TBC1D9: variants seen among roughly 807,000 people sequenced by gnomAD.
TBC1D9 encodes TBC1 domain family member 9, also known as TBC1 domain family member 9A.
A neutral mutation model predicts 132.0 loss-of-function variants in TBC1D9; 63 were observed. That is an observed-to-expected ratio of 0.48 (90% CI 0.39 to 0.59). TBC1D9 has a LOEUF of 0.59. TBC1D9 is among the 20% of genes least tolerant of loss of function. The probability of loss-of-function intolerance (pLI) is 0.00; values close to 1 mark genes in which losing one functional copy is unlikely to be tolerated. For synonymous variants in TBC1D9, 610 were observed against 609.9 expected, an observed-to-expected ratio of 1.00 and a Z score of 0.00; for missense variants, 1,261 against 1,592.7, an observed-to-expected ratio of 0.79 and a Z score of 3.54.
Position 140,755,995 on chromosome 4 carries a change from G to A in TBC1D9, c.51C>T (p.Thr17=), listed in dbSNP as rs1451944085. 6.2e-7 allele frequency: 1 copy of A among 1,609,512 alleles called. No individual in the cohort carries two copies. The highest frequency in any genetic ancestry group is 8.5e-7 in the Non-Finnish European group (1 of 1,177,782). ...GGATGAAGTATGGGTTGGCCCTCTC[G>A]GTGATCCACAGCGCGTTGGCCAGCA... is the stretch of plus-strand genomic sequence containing the variant. The part of the protein sequence containing the change: ...EVLLANALWI[T]ERANPYFILQ... The change falls in exon 1 of 21, where the codon ACC becomes ACT. Residue 17 remains threonine (T), a synonymous_variant. Transcript: ENST00000442267.
intron 1 of TBC1D9, among the ~76,000 whole-genome samples, chr4:140,737,684 G>A (rs1283415286): frequency 1.3e-5 from 2 of 152,182 alleles, no homozygotes; most frequent in Non-Finnish European, 2.9e-5. Context: ...CTGGTTGAAA[G>A]GCTAAGAGAA....
chr4:140,752,221 T>C (rs572288312), intron 1 of TBC1D9, among the ~76,000 whole-genome samples: 69 of 152,150 alleles, frequency 4.5e-4, no homozygotes, highest in Non-Finnish European at 8.1e-4. Flanking sequence ...TATACTCATA[T>C]CATAGTTTTC....
chr4:140,732,898 T>C (rs1738616740), intron 1 of TBC1D9, among the ~76,000 whole-genome samples: 1 of 152,164 alleles, frequency 6.6e-6, no homozygotes, highest in African/African-American at 2.4e-5. Flanking sequence ...ACAATATACA[T>C]CATGGTGACA....
Position 140,706,147 on chromosome 4 carries a change from G to A in TBC1D9, c.131-4533C>T, listed in dbSNP as rs1168033345. Among the ~76,000 whole-genome samples the A allele has an allele frequency of 2.0e-5, 3 of 152,226 alleles. No individual in the cohort carries two copies. The highest frequency in any genetic ancestry group is 4.4e-5 in the Non-Finnish European group (3 of 68,040). On this transcript the variant is annotated intron_variant, in intron 1 of 20. Transcript: ENST00000442267. The surrounding 1 kb of genome is among the most constrained non-coding windows in gnomAD (Gnocchi z 4.0). ...GTCAGCCCTCTGCAGGCCGGGCTAT[G>A]TCAGGAGTGTGCTGCCATGCAGAAA...
chr4:140,643,402 C>CCAGAGTGTT (rs58999614), intron 13 of TBC1D9: 8 of 1,090,038 alleles, frequency 7.3e-6, no homozygotes, highest in Non-Finnish European at 1.1e-5. Context: ...ATGGCCACCT[C>CCAGAGTGTT]CATGCCAGCC....
rs571953379 is a variant in TBC1D9, at chr4:140,680,322, C to A, written c.361-479G>T. ...CAGGGCCATGAATAACACTGGGGAG[C>A]CTACAGGGAAAAACGAGTAATCATC... On this transcript the variant is annotated intron_variant, in intron 3 of 20. Coordinates refer to ENST00000442267, the MANE Select transcript of TBC1D9 (RefSeq NM_015130.3). Among the ~76,000 whole-genome samples the A allele has an allele frequency of 5.9e-5, 9 of 152,116 alleles. No individual in the cohort carries two copies. The East Asian group carries it at 1.7e-3, about 29-fold the overall frequency.
chr4:140,652,760 G>A (rs1737206849), intron 13 of TBC1D9, among the ~76,000 whole-genome samples: 2 of 152,232 alleles, frequency 1.3e-5, no homozygotes, highest in South Asian at 2.1e-4. Context: ...CTCTCGATGA[G>A]TAATAGCTAT....
chr4:140,643,327 G>A, intron 13 of TBC1D9: 1 of 1,340,548 alleles, frequency 7.5e-7, no homozygotes, highest in East Asian at 2.5e-5. Flanking sequence ...GCAGCTTCCT[G>A]CTTCTCCAAG....
At position 140,701,470 on chromosome 4, in the gene TBC1D9, T is replaced by A. The variant is rs760942993; in HGVS notation, c.241+34A>T. 2.6e-6 allele frequency: 4 copies of A among 1,558,994 alleles called. No individual in the cohort carries two copies. The Admixed American group carries it at 5.1e-5, about 20-fold the overall frequency. ...AAGTTGTTAACCCTAACGCTTCTTT[T>A]AAAACTTGTGTATTTCTGGATGTGG... On this transcript the variant is annotated intron_variant, in intron 2 of 20. Coordinates refer to ENST00000442267, the MANE Select transcript of TBC1D9 (RefSeq NM_015130.3).
chr4:140,679,494 A>T (rs1737673691), intron 4 of TBC1D9, 121 bp downstream of exon 4: 2 of 769,648 alleles, frequency 2.6e-6, no homozygotes, highest in Non-Finnish European at 4.1e-6. Context: ...AGTAAAAAAA[A>T]ATTAGTATTG....
At position 140,718,927 on chromosome 4, in the gene TBC1D9, C is replaced by CA. The variant is rs201752206; in HGVS notation, c.131-17314dup. 3.6e-3 allele frequency among the ~76,000 whole-genome samples: 547 copies of CA among 151,174 alleles called. 2 individuals carry two copies. Among genetic ancestry groups the CA allele is most frequent in the African/African-American group, 0.012 (515 of 41,218 alleles). ...GGCTGTTTTTATTTTTGTAAAAACA[C>CA]AAAAAAAATTTGTATTTTTAGTCTC... On this transcript the variant is annotated intron_variant, in intron 1 of 20. Transcript: ENST00000442267.
chr4:140,662,135 C>T (rs778441539), intron 9 of TBC1D9, 28 bp from the exon 10 acceptor site: 5 of 1,579,130 alleles, frequency 3.2e-6, no homozygotes, highest in Non-Finnish European at 4.4e-6. Context: ...GATACAGTAT[C>T]AAAAACGTGA....
rs145447758 is a variant in TBC1D9 at position 140,723,218 on chromosome 4, C to T, written c.131-21604G>A. Among the ~76,000 whole-genome samples, 319 of 152,304 alleles carry T rather than the reference C, an allele frequency of 2.1e-3. 3 individuals are homozygous for T. Among genetic ancestry groups the T allele is most frequent in the African/African-American group, 7.5e-3 (313 of 41,572 alleles). On this transcript the variant is annotated intron_variant, in intron 1 of 20. Coordinates refer to ENST00000442267, the MANE Select transcript of TBC1D9 (RefSeq NM_015130.3). ...AACCTGCATGAATACAAAGGATGTCCATGTTCCACAACTTAGATCATTATG... is the reference window on the plus strand; with the variant it reads ...AACCTGCATGAATACAAAGGATGTCTATGTTCCACAACTTAGATCATTATG...
intron 13 of TBC1D9, among the ~76,000 whole-genome samples, chr4:140,654,587 A>G (rs1436921506): frequency 6.6e-6 from 1 of 152,218 alleles, no homozygotes. Context: ...TAAAGGTCTG[A>G]GGATTCCTTT....
chr4:140,730,855 G>A (rs965153607), intron 1 of TBC1D9, among the ~76,000 whole-genome samples: 18 of 152,252 alleles, frequency 1.2e-4, no homozygotes, highest in African/African-American at 3.6e-4. Flanking sequence ...ACGAGTACTT[G>A]CACTCTAAAA....
intron 2 of TBC1D9, among the ~76,000 whole-genome samples, chr4:140,687,382 A>T (rs1444532520): frequency 0.085 from 6,740 of 79,448 alleles, 1,006 homozygotes; most frequent in African/African-American, 0.26. Flanking sequence ...ATATATATAT[A>T]TATATATATA....
chr4:140,699,349 A>G (rs567723074), intron 2 of TBC1D9, among the ~76,000 whole-genome samples: 1 of 152,334 alleles, frequency 6.6e-6, no homozygotes, highest in African/African-American at 2.4e-5. Flanking sequence ...TTCCCTCCAA[A>G]GAGAATACTT....
chr4:140,639,257 A>T (rs1280420500), intron 14 of TBC1D9, 73 bp downstream of exon 14: 21 of 1,469,842 alleles, frequency 1.4e-5, no homozygotes, highest in Non-Finnish European at 1.8e-5. Flanking sequence ...TCTGTCAGGC[A>T]GGAATCCACA....
At chr4:140,674,491 T>C (rs1386267053) in intron 6 of TBC1D9, among the ~76,000 whole-genome samples, 1 of 152,092 alleles carries the variant, frequency 6.6e-6, no homozygotes, top group Non-Finnish European at 1.5e-5. Context: ...AAATTATGTA[T>C]ATACTTTACG....
Sources: gnomAD v4.1 joint callset for allele counts (sites outside exome capture counted in the v4.1 genomes callset) on GRCh38, gnomAD v4.1.1 for gene constraint, Gnocchi (gnomAD v3.1) non-coding constraint, MANE v1.5 for transcripts, NCBI Gene and HGNC (gene_info 2026-07-23, HGNC 2026-07-21) for gene names.